The following ACVR1 variants were observed in gnomAD, a reference collection of about 807,000 sequenced individuals.
ACVR1 encodes activin receptor type-1.
Under a neutral mutation model 57.1 loss-of-function variants are expected in ACVR1, and 38 were observed. The ratio of observed to expected loss-of-function variants is 0.67; its 90% CI spans 0.51 to 0.87. The LOEUF is 0.87. ACVR1 is among the 40% of genes least tolerant of loss of function. The pLI, the probability that ACVR1 is intolerant of heterozygous loss-of-function variation, is 0.00. For missense variants in ACVR1, 463 were observed against 638.2 expected (o/e 0.73, Z 2.96); for synonymous variants, 212 against 228.1 (o/e 0.93, Z 0.63).
chr2:157,835,201 C>T (rs1026442681), intron 1 of ACVR1, among the ~76,000 whole-genome samples: 3 of 152,168 alleles, frequency 2.0e-5, no homozygotes, highest in African/African-American at 7.2e-5. Context: ...ACTATGCCCC[C>T]TTCCTCCCCT....
At chr2:157,743,809 C>A (rs1158504624) in intron 9 of ACVR1, among the ~76,000 whole-genome samples, 1 of 151,844 alleles carries the variant, frequency 6.6e-6, no homozygotes, top group Non-Finnish European at 1.5e-5. Context: ...AAAAAGCTTT[C>A]GAGTTTCAAA....
intron 2 of ACVR1, among the ~76,000 whole-genome samples, chr2:157,804,250 G>T (rs1199011422): frequency 6.6e-6 from 1 of 152,156 alleles, no homozygotes; most frequent in Admixed American, 6.5e-5. Context: ...AGATATTTTA[G>T]ACTGAGCACT....
chr2:157,868,020 CCTTT>C (rs1269100934), intron 1 of ACVR1, among the ~76,000 whole-genome samples: 2 of 152,134 alleles, frequency 1.3e-5, no homozygotes, highest in Non-Finnish European at 1.5e-5. Flanking sequence ...TCTAAATCTC[CCTTT>C]CTAAGCTTGC....
intron 1 of ACVR1, among the ~76,000 whole-genome samples, chr2:157,853,701 TC>T (rs1288542918): frequency 6.6e-6 from 1 of 152,234 alleles, no homozygotes; most frequent in Non-Finnish European, 1.5e-5. Flanking sequence ...TAAGTAGTCT[TC>T]ATGACATAGC....
chr2:157,765,296 C>T (rs1241298267), intron 8 of ACVR1, among the ~76,000 whole-genome samples: 1 of 152,064 alleles, frequency 6.6e-6, no homozygotes, highest in African/African-American at 2.4e-5. Flanking sequence ...ATTCTTTTGC[C>T]TTGGTTACAG....
chr2:157,773,785 T>A (rs1251883322), intron 6 of ACVR1, among the ~76,000 whole-genome samples: 4 of 152,216 alleles, frequency 2.6e-5, no homozygotes, highest in Non-Finnish European at 4.4e-5. Flanking sequence ...CCAATACCTA[T>A]GGTAAGGAGC....
chr2:157,834,710 T>C (rs1310260592), intron 1 of ACVR1, among the ~76,000 whole-genome samples: 1 of 152,166 alleles, frequency 6.6e-6, no homozygotes, highest in Non-Finnish European at 1.5e-5. Context: ...ATTCAATCCA[T>C]GCTATGGTCT....
intron 1 of ACVR1, among the ~76,000 whole-genome samples, chr2:157,827,336 AAAAAC>A: frequency 6.6e-6 from 1 of 152,240 alleles, no homozygotes; most frequent in East Asian, 1.9e-4. Flanking sequence ...TAACAAGCAA[AAAAAC>A]AAAAGAAAAC....
chr2:157,738,674 C>T, intron 9 of ACVR1, 104 bp from the exon 10 acceptor site: 1 of 1,555,104 alleles, frequency 6.4e-7, no homozygotes, highest in Non-Finnish European at 8.9e-7. Flanking sequence ...GAAGAAAATA[C>T]TAATCACCTT....
chr2:157,805,820 C>CTTTTTTTTTTTTT (rs1222482675), intron 2 of ACVR1, among the ~76,000 whole-genome samples: 2 of 30,178 alleles, frequency 6.6e-5, no homozygotes, highest in Admixed American at 5.8e-4. Flanking sequence ...TTTCTTTTTT[C>CTTTTTTTTTTTTT]TTTTTTTTTT....
At chr2:157,860,927 G>A (rs970767520) in intron 1 of ACVR1, among the ~76,000 whole-genome samples, 2 of 152,178 alleles carry the variant, frequency 1.3e-5, no homozygotes, top group African/African-American at 4.8e-5. Context: ...AGGTAAGCCT[G>A]AGACTCTGTG....
chr2:157,801,108 A>G (rs1687308111), intron 2 of ACVR1, among the ~76,000 whole-genome samples: 1 of 152,192 alleles, frequency 6.6e-6, no homozygotes, highest in African/African-American at 2.4e-5. Context: ...TGAGCTATGG[A>G]ATGAAATTAT....
intron 8 of ACVR1, among the ~76,000 whole-genome samples, chr2:157,764,549 C>T (rs1685793370): frequency 6.6e-6 from 1 of 152,002 alleles, no homozygotes; most frequent in South Asian, 2.1e-4. Context: ...CGCAGAAGTA[C>T]AGGGCACAGC....
At position 157,868,266 on chromosome 2, in the gene ACVR1, C is replaced by A. The variant is rs1443418024; in HGVS notation, c.-183+7530G>T. Among the ~76,000 whole-genome samples, 3 of 151,730 alleles carry A rather than the reference C, an allele frequency of 2.0e-5. No homozygotes were observed. In the East Asian group the frequency reaches 5.8e-4, roughly 29 times the overall value. On this transcript the variant is annotated intron_variant, in intron 1 of 10. Transcript: ENST00000434821. ...CTGGGAGGCCGAGGTGGGTGAATCA[C>A]GAGGTCAGGACTTCAAGACCAGCCT...
At chr2:157,850,406 GA>G (rs1354385231) in intron 1 of ACVR1, among the ~76,000 whole-genome samples, 2 of 151,530 alleles carry the variant, frequency 1.3e-5, no homozygotes, top group Non-Finnish European at 2.9e-5. Context: ...AAAAAAGAGG[GA>G]AAAATGCCAA....
At chr2:157,775,603 C>A (rs933596312) in intron 5 of ACVR1, among the ~76,000 whole-genome samples, 1 of 152,066 alleles carries the variant, frequency 6.6e-6, no homozygotes, top group Non-Finnish European at 1.5e-5. Context: ...AATTTAGAAC[C>A]CTTAAAAACC....
Position 157,788,220 on chromosome 2 carries a change from CTTATCCCCCCT to C in ACVR1, c.68-7631_68-7621del, listed in dbSNP as rs1057015201. 9.2e-5 allele frequency among the ~76,000 whole-genome samples: 14 copies of C among 152,306 alleles called. 1 individual carries two copies. Among genetic ancestry groups the C allele is most frequent in the Admixed American group, 7.8e-4 (12 of 15,302 alleles). ...AACTTCCAGACTACAGTAGTCCCCA[CTTATCCCCCCT>C]TATGCACCGTTTCACTTTCCACTAT... On this transcript the variant is annotated intron_variant, in intron 3 of 10. Transcript: ENST00000434821.
At chr2:157,766,951 G>C (rs1023936248) in intron 7 of ACVR1, among the ~76,000 whole-genome samples, 13 of 152,200 alleles carry the variant, frequency 8.5e-5, no homozygotes, top group Non-Finnish European at 1.6e-4. Context: ...CTTCCATTAG[G>C]AAGTGGCAAC....
At chr2:157,808,284 G>A (rs1687631654) in intron 2 of ACVR1, among the ~76,000 whole-genome samples, 2 of 152,138 alleles carry the variant, frequency 1.3e-5, no homozygotes, top group African/African-American at 4.8e-5. Flanking sequence ...GCACCTACCA[G>A]GTGCACAATA....
Sources: gnomAD v4.1 joint callset for allele counts (sites outside exome capture counted in the v4.1 genomes callset) on GRCh38, gnomAD v4.1.1 for gene constraint, MANE v1.5 for transcripts, NCBI Gene and HGNC (gene_info 2026-07-23, HGNC 2026-07-21) for gene names.